The following CACNA1C variants were observed in gnomAD, a reference collection of about 807,000 sequenced individuals.
CACNA1C encodes calcium voltage-gated channel subunit alpha1 C, also known as voltage-dependent L-type calcium channel subunit alpha-1C.
A neutral mutation model predicts 229.0 loss-of-function variants in CACNA1C; 30 were observed. That is an observed-to-expected ratio of 0.13 (90% CI 0.10 to 0.18). The LOEUF (loss-of-function observed/expected upper bound fraction) is 0.18, where lower values mean the gene tolerates loss of function less well. Among genes scored for constraint, CACNA1C ranks in the 10% least tolerant of loss-of-function variants. The pLI is 1.00. For synonymous variants in CACNA1C, 1,114 were observed against 1,132.5 expected (o/e 0.98, Z 0.33); for missense variants, 1,658 against 2,845.0 (o/e 0.58, Z 9.49).
At chr12:2,327,264 G>C (rs543148561) in intron 3 of CACNA1C, among the ~76,000 whole-genome samples, 25 of 152,182 alleles carry the variant, frequency 1.6e-4, no homozygotes, top group Admixed American at 1.6e-3. Flanking sequence ...TCAATTTTCC[G>C]CTAGCTTTGT....
In CACNA1C at chr12:1,971,839, T is replaced by A. The variant is rs995971933; in HGVS notation, c.139+638T>A. ...TTGATCTGTTCTTTTAAGATATTTATAATTTGTTTTATATTTTTACCCAAA... is the reference window on the plus strand; with the variant it reads ...TTGATCTGTTCTTTTAAGATATTTAAAATTTGTTTTATATTTTTACCCAAA... On this transcript the variant is annotated intron_variant, in intron 1 of 46. Coordinates refer to the CACNA1C transcript ENST00000682462. The surrounding 1 kb of genome is among the most constrained non-coding windows in gnomAD (Gnocchi z 4.2). Among the ~76,000 whole-genome samples, 9 of 152,266 alleles carry A rather than the reference T, an allele frequency of 5.9e-5. No individual in the cohort carries two copies. Among genetic ancestry groups the A allele is most frequent in the Non-Finnish European group, 8.8e-5 (6 of 68,040 alleles).
chr12:2,276,624 G>C (rs1208023764), intron 3 of CACNA1C, among the ~76,000 whole-genome samples: 1 of 152,200 alleles, frequency 6.6e-6, no homozygotes, highest in East Asian at 1.9e-4. Context: ...CAGATGAATA[G>C]GTGCAGACGT....
chr12:2,655,225 C>A lies in CACNA1C; in HGVS notation c.4219C>A (p.Leu1407Met). ...NNFQTFPQAV[L>M]LLFRCATGEA... ...CTTTCAGACCTTCCCCCAGGCCGTG[C>A]TGCTCCTCTTCAGGTGGGTCCCTGA... Residue 1407 changes from leucine to methionine, a missense_variant, in exon 34 of 47, where the codon CTG becomes ATG. Physicochemically the swap from Leu to Met is conservative, Grantham distance 15. Transcript: ENST00000399655. 1 of 1,610,852 alleles carries A rather than the reference C, an allele frequency of 6.2e-7. No homozygotes were observed. The highest frequency in any genetic ancestry group is 8.5e-7 in the Non-Finnish European group (1 of 1,177,198).
intron 1 of CACNA1C, among the ~76,000 whole-genome samples, chr12:2,041,124 G>A (rs1021441413): frequency 6.6e-5 from 10 of 152,142 alleles, no homozygotes; most frequent in Admixed American, 5.2e-4. Flanking sequence ...AATAGGCAGT[G>A]AAGTCCTAGT....
At chr12:2,533,333 G>A (rs898519601) in intron 9 of CACNA1C, among the ~76,000 whole-genome samples, 1 of 152,206 alleles carries the variant, frequency 6.6e-6, no homozygotes, top group Non-Finnish European at 1.5e-5. Flanking sequence ...AGGAGCTCAT[G>A]GGTGGGTGGC....
At chr12:2,137,373 T>C (rs1445010347) in intron 3 of CACNA1C, among the ~76,000 whole-genome samples, 2 of 150,550 alleles carry the variant, frequency 1.3e-5, no homozygotes, top group East Asian at 1.9e-4. Flanking sequence ...AGAATATAGA[T>C]AGAAATGCTC....
At chr12:2,459,456 G>A (rs2099483846) in intron 5 of CACNA1C, among the ~76,000 whole-genome samples, 1 of 152,156 alleles carries the variant, frequency 6.6e-6, no homozygotes, top group African/African-American at 2.4e-5. Flanking sequence ...AAAAGAAAGA[G>A]TTTGTTTTCT....
chr12:2,572,475 TCTCCTC>T (rs2055846677), intron 13 of CACNA1C, among the ~76,000 whole-genome samples: 32 of 5,350 alleles, frequency 6.0e-3, no homozygotes, highest in Non-Finnish European at 7.2e-3. Flanking sequence ...TCTTCCTCCT[TCTCCTC>T]TTCCTCCTCC....
At position 2,486,566 on chromosome 12, in the gene CACNA1C, T is replaced by C. The variant is rs1302543855; in HGVS notation, c.916+304T>C. 6.6e-6 allele frequency among the ~76,000 whole-genome samples: 1 copy of C among 152,242 alleles called. No individual in the cohort carries two copies. The highest frequency in any genetic ancestry group is 1.5e-5 in the Non-Finnish European group (1 of 68,036). On this transcript the variant is annotated intron_variant, in intron 6 of 46. Coordinates refer to ENST00000399655, the MANE Select transcript of CACNA1C (RefSeq NM_000719.7). The surrounding 1 kb of genome is among the most constrained non-coding windows in gnomAD (Gnocchi z 4.9). The stretch of plus-strand genomic sequence containing the variant: ...CCTATCTTTTGTCAATCTACGACTT[T>C]TCAAGCCAACCCTGAGTATTTTAAG...
chr12:2,135,262 G>A lies in CACNA1C; in HGVS notation c.477+14832G>A, dbSNP rs542977048. Among the ~76,000 whole-genome samples, 103 of 144,926 alleles carry A rather than the reference G, an allele frequency of 7.1e-4. 3 individuals are homozygous for A. Among genetic ancestry groups the A allele is most frequent in the African/African-American group, 2.5e-3 (94 of 37,932 alleles). On this transcript the variant is annotated intron_variant, in intron 3 of 46. Transcript: ENST00000399655. ...TTGCCTTTGGTTTGAGTGTCCTCCC[G>A]TAGCTCAGAGTAATTTGATTGTCTG...
chr12:2,574,816 C>A (rs2057789010), intron 13 of CACNA1C, among the ~76,000 whole-genome samples: 2 of 152,226 alleles, frequency 1.3e-5, no homozygotes, highest in Non-Finnish European at 2.9e-5. Flanking sequence ...ATGCCCAGTT[C>A]CCTGGCAGGG....
chr12:2,613,926 T>C (rs531151273), intron 29 of CACNA1C: 1 of 152,452 alleles, frequency 6.6e-6, no homozygotes, highest in Admixed American at 6.5e-5. Flanking sequence ...TTTAAATATT[T>C]CAAAGCCTTG....
rs1398541455 is a variant in CACNA1C at position 2,106,373 on chromosome 12, G to A, written c.50-8851G>A. ...GCTGGGCATCGTGAAGCCACTGGGC[G>A]CCCACCCCGGGGAGGGTTTCCACCT... is the stretch of plus-strand genomic sequence containing the variant. On this transcript the variant is annotated intron_variant, in intron 1 of 46. Coordinates refer to ENST00000399655, the MANE Select transcript of CACNA1C (RefSeq NM_000719.7). Among the ~76,000 whole-genome samples the A allele has an allele frequency of 1.1e-4, 7 of 61,104 alleles. 1 individual carries two copies. Among genetic ancestry groups the A allele is most frequent in the African/African-American group, 4.0e-4 (7 of 17,524 alleles). The allele number at this position is 61,104 out of a possible 152,430, so 40.1% of individuals were successfully genotyped here.
intron 29 of CACNA1C, among the ~76,000 whole-genome samples, chr12:2,626,581 C>T (rs2086709346): frequency 6.6e-6 from 1 of 152,188 alleles, no homozygotes; most frequent in Non-Finnish European, 1.5e-5. Flanking sequence ...CATGTGTCTG[C>T]CTAGCCTTAT....
At position 2,512,347 on chromosome 12, in the gene CACNA1C, G is replaced by A. The variant is rs768163827; in HGVS notation, c.1218-465G>A. On this transcript the variant is annotated intron_variant, in intron 8 of 46. Transcript: ENST00000399655. This position sits in a 1 kb window ranked among gnomAD's most constrained non-coding sequence, Gnocchi z 4.3. ...AGTGAGTGGGCTTTGGTACACTGCC[G>A]GTCCTAAAACCTTGTGTCACCTGGA... is the stretch of plus-strand genomic sequence containing the variant. 8.6e-5 allele frequency among the ~76,000 whole-genome samples: 13 copies of A among 152,032 alleles called. No homozygotes were observed. Among genetic ancestry groups the A allele is most frequent in the African/African-American group, 1.5e-4 (6 of 41,364 alleles).
chr12:2,180,423 G>A (rs557659714), intron 3 of CACNA1C, among the ~76,000 whole-genome samples: 33 of 152,360 alleles, frequency 2.2e-4, no homozygotes, highest in African/African-American at 6.7e-4. Context: ...TGGAGGAAGC[G>A]AAATGTCCCA....
At chr12:2,169,607 A>C (rs1276886558) in intron 3 of CACNA1C, among the ~76,000 whole-genome samples, 1 of 152,180 alleles carries the variant, frequency 6.6e-6, no homozygotes, top group Non-Finnish European at 1.5e-5. Flanking sequence ...ATTTGGCAGA[A>C]ATACCAGAAA....
intron 5 of CACNA1C, among the ~76,000 whole-genome samples, chr12:2,475,670 TAATC>T (rs1456247027): frequency 6.6e-6 from 1 of 152,216 alleles, no homozygotes; most frequent in African/African-American, 2.4e-5. Context: ...AAAATACTGA[TAATC>T]AAACACAGAA....
At chr12:2,218,363 G>A (rs1397767890) in intron 3 of CACNA1C, among the ~76,000 whole-genome samples, 1 of 152,154 alleles carries the variant, frequency 6.6e-6, no homozygotes, top group Admixed American at 6.5e-5. Flanking sequence ...CTTTTCTTCA[G>A]GAAGAAAATT....
Sources: gnomAD v4.1 joint callset for allele counts (sites outside exome capture counted in the v4.1 genomes callset) on GRCh38, gnomAD v4.1.1 for gene constraint, Gnocchi (gnomAD v3.1) non-coding constraint, MANE v1.5 for transcripts, NCBI Gene and HGNC (gene_info 2026-07-23, HGNC 2026-07-21) for gene names.